The following SLC39A10 variants were observed in gnomAD, a reference collection of about 807,000 sequenced individuals.
SLC39A10 encodes zinc transporter ZIP10.
Under a neutral mutation model 65.1 loss-of-function variants are expected in SLC39A10, and 13 were observed. The ratio of observed to expected loss-of-function variants is 0.20; its 90% CI spans 0.13 to 0.32. The LOEUF (loss-of-function observed/expected upper bound fraction) is 0.32, where lower values mean the gene tolerates loss of function less well. SLC39A10 is among the 10% of genes least tolerant of loss of function. The probability of loss-of-function intolerance (pLI) is 1.00; values close to 1 mark genes in which losing one functional copy is unlikely to be tolerated. For synonymous variants in SLC39A10, 321 were observed against 342.2 expected (o/e 0.94, Z 0.68); for missense variants, 831 against 1,018.4 (o/e 0.82, Z 2.50).
At chr2:195,645,084 T>A (rs943635547) in intron 2 of SLC39A10, among the ~76,000 whole-genome samples, 1 of 151,982 alleles carries the variant, frequency 6.6e-6, no homozygotes, top group South Asian at 2.1e-4. Context: ...TAATTTTGTA[T>A]TTTTAGTAGA....
intron 2 of SLC39A10, among the ~76,000 whole-genome samples, chr2:195,622,930 C>T (rs890553145): frequency 3.3e-5 from 5 of 150,314 alleles, no homozygotes; most frequent in African/African-American, 1.2e-4. Context: ...CGAGATGGCG[C>T]CCCTGCACTC....
At chr2:195,643,344 G>A (rs1440765062) in intron 2 of SLC39A10, among the ~76,000 whole-genome samples, 1 of 152,130 alleles carries the variant, frequency 6.6e-6, no homozygotes, top group Non-Finnish European at 1.5e-5. Context: ...AGAAGGCAGA[G>A]TGCATACAAG....
At chr2:195,733,067 C>T (rs916455385) in intron 9 of SLC39A10, among the ~76,000 whole-genome samples, 1 of 152,022 alleles carries the variant, frequency 6.6e-6, no homozygotes, top group African/African-American at 2.4e-5. Context: ...CTAAAATATA[C>T]CATAGCACTG....
chr2:195,625,843 G>T (rs139646525), intron 2 of SLC39A10, among the ~76,000 whole-genome samples: 1 of 152,300 alleles, frequency 6.6e-6, no homozygotes, highest in African/African-American at 2.4e-5. Context: ...GTCTCGCTCT[G>T]TCACCTGGGC....
At chr2:195,645,640 A>G (rs73072058) in intron 2 of SLC39A10, among the ~76,000 whole-genome samples, 25,395 of 150,868 alleles carry the variant, frequency 0.17, 2,340 homozygotes, top group East Asian at 0.34. Context: ...TCTTGTCTCT[A>G]TAAATTTTCC....
At chr2:195,707,823 A>G (rs1574296551) in intron 4 of SLC39A10, among the ~76,000 whole-genome samples, 1 of 152,246 alleles carries the variant, frequency 6.6e-6, no homozygotes, top group East Asian at 1.9e-4. Context: ...ATCCTCTGAG[A>G]GGTTTAGATA....
At chr2:195,653,018 C>T (rs1202190160), upstream of SLC39A10, among the ~76,000 whole-genome samples, 1 of 152,152 alleles carries the variant, frequency 6.6e-6, no homozygotes, top group East Asian at 1.9e-4. Flanking sequence ...AAACCATCCC[C>T]ACCCACCCCC....
chr2:195,736,439 A>T lies in SLC39A10; in HGVS notation c.*1398A>T, dbSNP rs1002618983. The T allele has an allele frequency of 4.8e-5, 8 of 166,114 alleles. No homozygotes were observed. Among genetic ancestry groups the T allele is most frequent in the African/African-American group, 1.9e-4 (8 of 41,452 alleles). 10.3% of individuals were successfully genotyped at this position (166,114 alleles called of 1,614,324 possible). Reference sequence around the variant, plus strand: ...AACTATGTGCAGCTAGCTTTGTTTTAATCTGCTTGGCAACCAGTGTAGCTG... The same window carrying T: ...AACTATGTGCAGCTAGCTTTGTTTTTATCTGCTTGGCAACCAGTGTAGCTG... On this transcript the variant is annotated 3_prime_UTR_variant, in exon 10 of 10. Transcript: ENST00000359634.
rs1310505942 is a variant in SLC39A10, at chr2:195,649,938, TAGACAAC to T, written c.-11-30093_-11-30087del. Among the ~76,000 whole-genome samples, 17 of 152,322 alleles carry T rather than the reference TAGACAAC, an allele frequency of 1.1e-4. No homozygotes were observed. In the South Asian group the frequency reaches 2.7e-3, roughly 24 times the overall value. On this transcript the variant is annotated intron_variant, in intron 2 of 2. Coordinates refer to the SLC39A10 transcript ENST00000458054. ...TTGTACCACACTACCCTCAAGAATC[TAGACAAC>T]CGTGTTTTCTCTTTTCTTAGAACTT... is the stretch of plus-strand genomic sequence containing the variant.
rs180977325 is a variant in SLC39A10 at position 195,692,000 on chromosome 2, T to C, written c.1216+8094T>C. On this transcript the variant is annotated intron_variant, in intron 3 of 9. Coordinates refer to ENST00000359634, the MANE Select transcript of SLC39A10 (RefSeq NM_020342.3). ...GGTTTCAAGTCTTAGATTTAAGTCT[T>C]TGCTCCACCTTGAGTTGATTTTTTT... 4.6e-5 allele frequency among the ~76,000 whole-genome samples: 7 copies of C among 152,358 alleles called. No individual in the cohort carries two copies. In the East Asian group the frequency reaches 1.3e-3, roughly 29 times the overall value.
chr2:195,635,907 A>G (rs1688688707), intron 2 of SLC39A10, among the ~76,000 whole-genome samples: 1 of 152,212 alleles, frequency 6.6e-6, no homozygotes. Context: ...GATGAAATGT[A>G]TTTGAAAGAT....
At chr2:195,718,224 C>A (rs766913529) in intron 7 of SLC39A10, 28 bp from the exon 8 acceptor site, 2 of 1,581,196 alleles carry the variant, frequency 1.3e-6, no homozygotes, top group East Asian at 4.5e-5. Context: ...CAGCAAACCT[C>A]ACTTGTTTTT....
Position 195,716,666 on chromosome 2 carries a change from C to A in SLC39A10, c.1726C>A (p.Arg576=). ...GTDDSVVSED[R]LNETELTDLE... is the part of the protein sequence containing the mutation. ...TGATGACTCGGTTGTTTCTGAAGAT[C>A]GACTTAATGAAACTGAACTGACAGA... The change falls in exon 7 of 10, where the codon CGA becomes AGA. Residue 576 remains arginine, a synonymous_variant. Coordinates refer to ENST00000359634, the MANE Select transcript of SLC39A10 (RefSeq NM_020342.3). 6.2e-7 allele frequency: 1 copy of A among 1,609,102 alleles called. No homozygotes were observed. Among genetic ancestry groups the A allele is most frequent in the Non-Finnish European group, 8.5e-7 (1 of 1,177,940 alleles).
rs955651624 is a variant in SLC39A10, at chr2:195,657,326, C to G, written c.-12+45C>G. 7.4e-6 allele frequency: 7 copies of G among 940,852 alleles called. No individual in the cohort carries two copies. In the African/African-American group the frequency reaches 1.2e-4, roughly 17 times the overall value. The allele number at this position is 940,852 out of a possible 1,614,324, so 58.3% of individuals were successfully genotyped here. On this transcript the variant is annotated intron_variant, in intron 1 of 9. Transcript: ENST00000359634. ...TTGTTTACATTCCCTCCCCCAGAAC[C>G]GGCCCCGTGCGCGGCGGAGACTGCG... is the stretch of plus-strand genomic sequence containing the variant.
rs1030400664 is a variant in SLC39A10 at position 195,736,746 on chromosome 2, A to C, written c.*1705A>C. 1.3e-5 allele frequency: 2 copies of C among 152,524 alleles called. No homozygotes were observed. The highest frequency in any genetic ancestry group is 4.8e-5 in the African/African-American group (2 of 41,442). The allele number at this position is 152,524 out of a possible 1,614,324, so 9.4% of individuals were successfully genotyped here. ...CCATGGCCTCCTTATAATAAGTAGA[A>C]GTTTTATATATAATTAATTTTCAGC... On this transcript the variant is annotated 3_prime_UTR_variant, in exon 10 of 10. Transcript: ENST00000359634.
intron 6 of SLC39A10, among the ~76,000 whole-genome samples, chr2:195,715,654 A>G (rs1340318202): frequency 6.6e-6 from 1 of 152,150 alleles, no homozygotes; most frequent in African/African-American, 2.4e-5. Context: ...TGTGACACTA[A>G]TGTGACACTT....
chr2:195,618,962 G>A (rs947215105), intron 2 of SLC39A10, among the ~76,000 whole-genome samples: 2 of 151,904 alleles, frequency 1.3e-5, no homozygotes, highest in African/African-American at 2.4e-5. Context: ...GCATGATGGC[G>A]GGTGCCTGTA....
chr2:195,691,945 C>A (rs1335547927), intron 3 of SLC39A10, among the ~76,000 whole-genome samples: 1 of 152,168 alleles, frequency 6.6e-6, no homozygotes, highest in Non-Finnish European at 1.5e-5. Context: ...TTGCCTAAGC[C>A]AATGTCTAGA....
chr2:195,652,217 G>C (rs1054164088), upstream of SLC39A10, among the ~76,000 whole-genome samples: 13 of 152,074 alleles, frequency 8.5e-5, no homozygotes, highest in African/African-American at 3.1e-4. Flanking sequence ...TTAAGATAAG[G>C]GGCTATGTAG....
Sources: gnomAD v4.1 joint callset for allele counts (sites outside exome capture counted in the v4.1 genomes callset) on GRCh38, gnomAD v4.1.1 for gene constraint, MANE v1.5 for transcripts, NCBI Gene and HGNC (gene_info 2026-07-23, HGNC 2026-07-21) for gene names.